Variants in SHROOM2 observed in about 807,000 individuals in gnomAD.
SHROOM2 encodes shroom family member 2, also known as protein Shroom2.
Under a neutral mutation model 75.9 loss-of-function variants are expected in SHROOM2, and 33 were observed. The observed-to-expected ratio is 0.43, with a 90% CI of 0.33 to 0.58. The LOEUF (loss-of-function observed/expected upper bound fraction) is 0.58, where lower values mean the gene tolerates loss of function less well. Among genes scored for constraint, SHROOM2 ranks in the 20% least tolerant of loss-of-function variants. SHROOM2 has a pLI of 0.04. For synonymous variants in SHROOM2, 655 were observed against 663.6 expected (o/e 0.99, Z 0.20); for missense variants, 1,434 against 1,461.2 (o/e 0.98, Z 0.30).
In SHROOM2 at chrX:9,946,989, G is replaced by C; in HGVS notation, c.*52G>C. Reference sequence around the variant, plus strand: ...CACGGGGCCTCCGAGCTCCAGCTCCGTTCCCAAGGATACTCGTGAAGACCC... The same window carrying C: ...CACGGGGCCTCCGAGCTCCAGCTCCCTTCCCAAGGATACTCGTGAAGACCC... On this transcript the variant is annotated 3_prime_UTR_variant, in exon 10 of 10. Coordinates refer to ENST00000380913, the MANE Select transcript of SHROOM2 (RefSeq NM_001649.4). The C allele has an allele frequency of 9.0e-7, 1 of 1,107,727 alleles. No individual in the cohort carries two copies. The allele number at this position is 1,107,727 out of a possible 1,213,427, so 91.3% of individuals were successfully genotyped here.
chrX:9,928,605 C>T (rs1178104488), intron 5 of SHROOM2, among the ~76,000 whole-genome samples: 1 of 111,524 alleles, frequency 9.0e-6, no homozygotes, highest in South Asian at 3.8e-4. Context: ...ATATACAACC[C>T]GGGCACACAC....
intron 1 of SHROOM2, among the ~76,000 whole-genome samples, chrX:9,859,745 T>G (rs1390697111): frequency 1.8e-5 from 2 of 111,227 alleles, no homozygotes; most frequent in Non-Finnish European, 3.8e-5. Context: ...TTGGGCAGGG[T>G]GGGGATGGTG....
chrX:9,940,156 C>T (rs1005637131), intron 8 of SHROOM2, among the ~76,000 whole-genome samples: 1 of 111,614 alleles, frequency 9.0e-6, no homozygotes, highest in Non-Finnish European at 1.9e-5. Context: ...GGGGCTTTTA[C>T]GGGCCCTCCA....
Position 9,932,386 on chromosome X carries a change from C to G in SHROOM2, c.3103C>G (p.Gln1035Glu). The G allele has an allele frequency of 8.3e-7, 1 of 1,209,196 alleles. No individual in the cohort carries two copies. The highest frequency in any genetic ancestry group is 1.1e-6 in the Non-Finnish European group (1 of 894,128). The part of the protein sequence containing the change: ...STPADLGPRA[Q>E]SPGSPLHARG... ...CCCAGCAGACTTGGGACCCCGAGCCCAGAGCCCTGGCTCACCCCTGCATGC... is the reference window on the plus strand; with the variant it reads ...CCCAGCAGACTTGGGACCCCGAGCCGAGAGCCCTGGCTCACCCCTGCATGC... Residue 1035 changes from glutamine (Q) to glutamate (E), a missense_variant, in exon 6 of 10, where the codon CAG becomes GAG. Coordinates refer to ENST00000380913, the MANE Select transcript of SHROOM2 (RefSeq NM_001649.4).
chrX:9,807,142 T>C (rs2083757939), intron 1 of SHROOM2, among the ~76,000 whole-genome samples: 1 of 111,881 alleles, frequency 8.9e-6, no homozygotes, highest in South Asian at 3.7e-4. Context: ...AGGAGCCTCA[T>C]GAAGGTCCCT....
chrX:9,934,577 TGA>T (rs2084681386), intron 6 of SHROOM2, among the ~76,000 whole-genome samples: 1 of 111,038 alleles, frequency 9.0e-6, no homozygotes, highest in African/African-American at 3.3e-5. Context: ...GAGAAATGTG[TGA>T]GTTGATGAGG....
chrX:9,915,474 G>C (rs1247940915), intron 5 of SHROOM2, among the ~76,000 whole-genome samples: 1 of 112,108 alleles, frequency 8.9e-6, no homozygotes, highest in African/African-American at 3.2e-5. Context: ...TGACAGCTAA[G>C]CCTACTTCGG....
chrX:9,896,366 G>C lies in SHROOM2; in HGVS notation c.2458G>C (p.Gly820Arg). Reference protein sequence around the residue: ...QRPAQKQALHGIPRDKPERPR... With the variant: ...QRPAQKQALHRIPRDKPERPR... The stretch of plus-strand genomic sequence containing the variant: ...GCCTGCCCAGAAGCAAGCTCTTCAC[G>C]GAATCCCGAGAGACAAGCCAGAGAG... Residue 820 changes from glycine to arginine, a missense_variant, in exon 4 of 10, where the codon GGA (glycine) becomes CGA (arginine). Physicochemically the swap from Gly to Arg is moderately radical, Grantham distance 125. Transcript: ENST00000380913. 1 of 1,212,269 alleles carries C rather than the reference G, an allele frequency of 8.2e-7. No homozygotes were observed. The highest frequency in any genetic ancestry group is 1.1e-6 in the Non-Finnish European group (1 of 895,649).
chrX:9,914,825 G>A (rs761355886), intron 5 of SHROOM2, among the ~76,000 whole-genome samples: 1 of 112,132 alleles, frequency 8.9e-6, no homozygotes, highest in Non-Finnish European at 1.9e-5. Flanking sequence ...CTGATTTTCA[G>A]TCTGGTGGGC....
intron 1 of SHROOM2, among the ~76,000 whole-genome samples, chrX:9,838,307 G>A (rs892434530): frequency 2.7e-5 from 3 of 110,217 alleles, no homozygotes; most frequent in East Asian, 2.8e-4. Context: ...TGATCCACCC[G>A]CTTCGGCCTC....
At chrX:9,890,674 G>A (rs1016747464) in intron 2 of SHROOM2, among the ~76,000 whole-genome samples, 1 of 111,850 alleles carries the variant, frequency 8.9e-6, no homozygotes. Context: ...ACGAGCACGC[G>A]TGCGCTGCGT....
intron 1 of SHROOM2, among the ~76,000 whole-genome samples, chrX:9,788,775 C>T (rs1262423501): frequency 9.0e-6 from 1 of 110,644 alleles, no homozygotes; most frequent in Non-Finnish European, 1.9e-5. Flanking sequence ...AGCTGAATCT[C>T]TTTGCTGTGG....
Position 9,786,648 on chromosome X carries a change from G to C in SHROOM2, c.103G>C (p.Ala35Pro). ...GGTGGAGGTGCAGCTGAGCGGCGGC[G>C]CCCCGTGGGGCTTCACCCTGAAGGG... ...RLVEVQLSGG[A>P]PWGFTLKGGR... Residue 35 changes from alanine (A) to proline (P), a missense_variant, in exon 1 of 10, where the codon GCC becomes CCC. Coordinates refer to ENST00000380913, the MANE Select transcript of SHROOM2 (RefSeq NM_001649.4). 2.3e-6 allele frequency: 2 copies of C among 886,494 alleles called. No individual in the cohort carries two copies. The highest frequency in any genetic ancestry group is 1.2e-4 in the South Asian group (2 of 16,690). The allele number at this position is 886,494 out of a possible 1,213,427, so 73.1% of individuals were successfully genotyped here. A position where few individuals can be genotyped will look rare whatever the true frequency, so the allele number is the denominator to read the frequency against.
chrX:9,841,560 G>A (rs774553160), intron 1 of SHROOM2, among the ~76,000 whole-genome samples: 6 of 111,837 alleles, frequency 5.4e-5, no homozygotes, highest in East Asian at 2.8e-4. Flanking sequence ...CACAAAATGC[G>A]AACTCACATT....
chrX:9,885,248 C>T (rs1406475031), intron 2 of SHROOM2, among the ~76,000 whole-genome samples: 1 of 110,232 alleles, frequency 9.1e-6, no homozygotes, highest in Non-Finnish European at 1.9e-5. Context: ...GAGTGCGTGG[C>T]TTGTGCAGGA....
At chrX:9,834,622 CCTTA>C (rs2083934088) in intron 1 of SHROOM2, among the ~76,000 whole-genome samples, 1 of 44,731 alleles carries the variant, frequency 2.2e-5, no homozygotes, top group Non-Finnish European at 4.8e-5. Flanking sequence ...TCTTTCTCCA[CCTTA>C]TTTATTTATT....
chrX:9,886,334 C>T (rs2084260719), intron 2 of SHROOM2, among the ~76,000 whole-genome samples: 1 of 112,488 alleles, frequency 8.9e-6, no homozygotes, highest in African/African-American at 3.2e-5. Flanking sequence ...CTTTCCCTGG[C>T]CTGCATTTTG....
chrX:9,865,012 C>CA (rs1192186185), intron 1 of SHROOM2: 1 of 110,451 alleles, frequency 9.1e-6, no homozygotes, highest in African/African-American at 3.3e-5. Flanking sequence ...GACCCAGTCT[C>CA]AAAAACAAAA....
intron 1 of SHROOM2, among the ~76,000 whole-genome samples, chrX:9,817,673 C>T (rs1185509986): frequency 8.9e-6 from 1 of 112,431 alleles, no homozygotes; most frequent in Non-Finnish European, 1.9e-5. Context: ...ATTTGGTTAT[C>T]AGTCTACCTC....
Sources: allele counts gnomAD v4.1 joint callset (sites outside exome capture counted in the v4.1 genomes callset), GRCh38; gene constraint gnomAD v4.1.1; transcripts MANE v1.5; gene names NCBI Gene and HGNC (gene_info 2026-07-23, HGNC 2026-07-21).